SLA2: variants seen among roughly 807,000 people sequenced by gnomAD.
SLA2 encodes Src like adaptor 2.
SLA2 carries 22 observed loss-of-function variants against 27.3 expected under a neutral mutation model. The ratio of observed to expected loss-of-function variants is 0.81; its 90% CI spans 0.58 to 1.15. The LOEUF is 1.15. Ranked by LOEUF, SLA2 falls within the 50% of genes most tolerant of loss-of-function variation. The pLI is 0.00. For synonymous variants in SLA2, 131 were observed against 137.8 expected (o/e 0.95, Z 0.34); for missense variants, 304 against 322.2 (o/e 0.94, Z 0.43).
intron 1 of SLA2, among the ~76,000 whole-genome samples, chr20:36,642,466 T>C (rs113534874): frequency 0.031 from 4,782 of 151,912 alleles, 257 homozygotes; most frequent in African/African-American, 0.11. Context: ...TGTAGTGGTG[T>C]AGTCCTAGCT....
chr20:36,617,313 C>T (rs527767048), intron 5 of SLA2, among the ~76,000 whole-genome samples: 24 of 151,236 alleles, frequency 1.6e-4, no homozygotes, highest in East Asian at 7.9e-4. Flanking sequence ...TGCAGTGAGC[C>T]GAGATCACAC....
At chr20:36,644,884 T>A (rs2148000430) in intron 1 of SLA2, among the ~76,000 whole-genome samples, 1 of 150,124 alleles carries the variant, frequency 6.7e-6, no homozygotes, top group African/African-American at 2.5e-5. Context: ...TTTTTTTTTT[T>A]TTTTTTCAGT....
rs754323095 is a variant in SLA2 at position 36,633,611 on chromosome 20, C to T, written c.210G>A (p.Thr70=). The change falls in exon 4 of 8, where the codon ACG becomes ACA. Residue 70 remains threonine (T), a synonymous_variant. Coordinates refer to ENST00000262866, the MANE Select transcript of SLA2 (RefSeq NM_032214.4). ...CTCTGCCTGAGACTTCAGACAGCAC[C>T]GTCCACCAGTCTCCATCCCTGGAGA... ...TIVSEDGDWW[T]VLSEVSGREY... 2 of 1,613,864 alleles carry T rather than the reference C, an allele frequency of 1.2e-6. No individual in the cohort carries two copies. The highest frequency in any genetic ancestry group is 8.5e-7 in the Non-Finnish European group (1 of 1,179,856).
At chr20:36,619,253 C>T (rs77683077) in intron 5 of SLA2, among the ~76,000 whole-genome samples, 9 of 123,218 alleles carry the variant, frequency 7.3e-5, no homozygotes, top group Middle Eastern at 6.7e-3. Flanking sequence ...AGGCTGGGTG[C>T]GGTGGCTCAC....
At chr20:36,630,867 A>G (rs2039387074) in intron 5 of SLA2, among the ~76,000 whole-genome samples, 1 of 152,170 alleles carries the variant, frequency 6.6e-6, no homozygotes, top group Non-Finnish European at 1.5e-5. Context: ...ATGAATGTGC[A>G]TGTGGCCCGT....
At chr20:36,635,495 C>T (rs1463461023) in intron 2 of SLA2, among the ~76,000 whole-genome samples, 4 of 151,746 alleles carry the variant, frequency 2.6e-5, no homozygotes, top group East Asian at 1.9e-4. Context: ...GTGGCGGCAC[C>T]GTGTGGGCTG....
chr20:36,630,230 A>G (rs1273864107), intron 5 of SLA2, among the ~76,000 whole-genome samples: 3 of 152,154 alleles, frequency 2.0e-5, no homozygotes, highest in Non-Finnish European at 4.4e-5. Context: ...CAGCCCCTCT[A>G]CCAGCCTATG....
chr20:36,640,876 G>A (rs945065549), intron 2 of SLA2, among the ~76,000 whole-genome samples: 6 of 152,192 alleles, frequency 3.9e-5, no homozygotes, highest in African/African-American at 1.4e-4. Context: ...GCAATGGACA[G>A]TGCAGCTCTG....
At chr20:36,615,455 A>G (rs992183353) in intron 5 of SLA2, 81 bp from the exon 6 acceptor site, 2 of 1,580,912 alleles carry the variant, frequency 1.3e-6, no homozygotes, top group African/African-American at 2.7e-5. Context: ...GAAGATAGGC[A>G]ACGTGACCAT....
chr20:36,621,625 C>CAAACA (rs924955689), intron 5 of SLA2, among the ~76,000 whole-genome samples: 15 of 147,876 alleles, frequency 1.0e-4, no homozygotes, highest in South Asian at 4.3e-4. Flanking sequence ...GACTCCATCT[C>CAAACA]AAACAAAACA....
At chr20:36,617,314 G>A (rs906311081) in intron 5 of SLA2, among the ~76,000 whole-genome samples, 5 of 151,378 alleles carry the variant, frequency 3.3e-5, no homozygotes, top group South Asian at 2.1e-4. Context: ...GCAGTGAGCC[G>A]AGATCACACC....
intron 1 of SLA2, 126 bp downstream of exon 1, chr20:36,645,711 T>G (rs1308649070): frequency 6.6e-6 from 1 of 151,948 alleles, no homozygotes; most frequent in Non-Finnish European, 1.5e-5. Flanking sequence ...GTAGAACCAC[T>G]CCCCCTTCTC....
chr20:36,643,705 ACTTTG>A (rs1459184472), intron 1 of SLA2, among the ~76,000 whole-genome samples: 1 of 152,132 alleles, frequency 6.6e-6, no homozygotes, highest in African/African-American at 2.4e-5. Flanking sequence ...TAATCCCAGC[ACTTTG>A]GGAGGCCGAG....
In SLA2 at chr20:36,636,191, G is replaced by A. The variant is rs183114187; in HGVS notation, c.92-1602C>T. Among the ~76,000 whole-genome samples, 1,073 of 148,620 alleles carry A rather than the reference G, an allele frequency of 7.2e-3. 12 individuals are homozygous for A. The highest frequency in any genetic ancestry group is 0.027 in the African/African-American group (1,017 of 38,172). ...CCAGCACTTTGGGAGGCCGAGGCGG[G>A]TGGATCATGAGGTCAGGAGATCGAG... On this transcript the variant is annotated intron_variant, in intron 2 of 7. Transcript: ENST00000262866.
intron 1 of SLA2, among the ~76,000 whole-genome samples, chr20:36,644,752 C>T (rs1409158303): frequency 6.6e-6 from 1 of 151,916 alleles, no homozygotes. Context: ...ATTAACTCTA[C>T]AAATTTTTGA....
Position 36,645,972 on chromosome 20 carries a change from G to A in SLA2, c.-179C>T, listed in dbSNP as rs545326538. The A allele has an allele frequency of 6.6e-6, 1 of 152,350 alleles. No homozygotes were observed. The highest frequency in any genetic ancestry group is 1.5e-5 in the Non-Finnish European group (1 of 68,154). The allele number at this position is 152,350 out of a possible 1,614,324, so 9.4% of individuals were successfully genotyped here. A position where few individuals can be genotyped will look rare whatever the true frequency, so the allele number is the denominator to read the frequency against. On this transcript the variant is annotated 5_prime_UTR_variant, in exon 1 of 8. Coordinates refer to ENST00000262866, the MANE Select transcript of SLA2 (RefSeq NM_032214.4). ...AGGACACCCAGAACTCTCTCAGCCT[G>A]GGAGGATCTTCAGGGAGAGGCTAGG...
intron 5 of SLA2, among the ~76,000 whole-genome samples, chr20:36,619,645 T>C: frequency 6.6e-6 from 1 of 151,074 alleles, no homozygotes; most frequent in East Asian, 2.0e-4. Flanking sequence ...TTTTTTTTTT[T>C]TTTGAGACAG....
At chr20:36,615,173 T>C in intron 6 of SLA2, 52 bp downstream of exon 6, 2 of 1,612,310 alleles carry the variant, frequency 1.2e-6, no homozygotes, top group East Asian at 2.2e-5. Flanking sequence ...CACTGCCTGC[T>C]CCTCCCCACA....
chr20:36,628,298 G>A (rs559719137), intron 5 of SLA2, among the ~76,000 whole-genome samples: 7 of 152,306 alleles, frequency 4.6e-5, no homozygotes, highest in South Asian at 2.1e-4. Context: ...ACACTGTGAC[G>A]CAGGACACAC....
Sources: gnomAD v4.1 joint callset for allele counts (sites outside exome capture counted in the v4.1 genomes callset) on GRCh38, gnomAD v4.1.1 for gene constraint, MANE v1.5 for transcripts, NCBI Gene and HGNC (gene_info 2026-07-23, HGNC 2026-07-21) for gene names.